Variants in TENM2 observed in about 807,000 individuals in gnomAD.
TENM2 encodes teneurin transmembrane protein 2.
Under a neutral mutation model 245.2 loss-of-function variants are expected in TENM2, and 52 were observed. That is an observed-to-expected ratio of 0.21 (90% CI 0.17 to 0.27). The LOEUF (loss-of-function observed/expected upper bound fraction) is 0.27. Among genes scored for constraint, TENM2 ranks in the 10% least tolerant of loss-of-function variants. The probability of loss-of-function intolerance (pLI) is 1.00; values close to 1 mark genes in which losing one functional copy is unlikely to be tolerated. For synonymous variants in TENM2, 1,363 were observed against 1,438.9 expected, an observed-to-expected ratio of 0.95 and a Z score of 1.19; for missense variants, 3,046 against 3,666.8, an observed-to-expected ratio of 0.83 and a Z score of 4.37.
At chr5:168,170,524 G>A (rs1472101969) in intron 13 of TENM2, among the ~76,000 whole-genome samples, 2 of 152,052 alleles carry the variant, frequency 1.3e-5, no homozygotes, top group Non-Finnish European at 2.9e-5. Context: ...GAGAGAGAGA[G>A]AGAAAGACAG....
intron 6 of TENM2, among the ~76,000 whole-genome samples, chr5:168,055,460 G>A (rs1437186696): frequency 6.6e-6 from 1 of 152,200 alleles, no homozygotes; most frequent in African/African-American, 2.4e-5. Flanking sequence ...GAATGAACTG[G>A]TGATGCAGTT....
chr5:167,197,508 C>CTGA, the TENM2 span, among the ~76,000 whole-genome samples: 1 of 151,990 alleles, frequency 6.6e-6, no homozygotes, highest in East Asian at 1.9e-4. Flanking sequence ...TTTCCTGGGG[C>CTGA]TGATAGAACT....
At position 168,256,492 on chromosome 5, in the gene TENM2, C is replaced by T. The variant is rs563878897; in HGVS notation, c.7433-3791C>T. ...CCAAGCTGAAGTGCAATGGCACAAT[C>T]TCAGCTCACTGCAGCCTCCACCTCC... On this transcript the variant is annotated intron_variant, in intron 27 of 28. Transcript: ENST00000518659. Among the ~76,000 whole-genome samples the T allele has an allele frequency of 4.0e-5, 6 of 148,726 alleles. No homozygotes were observed. The East Asian group carries it at 9.9e-4, about 24-fold the overall frequency.
intron 28 of TENM2, among the ~76,000 whole-genome samples, 198 bp downstream of exon 30, chr5:168,260,611 A>G (rs114099431): frequency 6.6e-6 from 1 of 152,174 alleles, no homozygotes; most frequent in Non-Finnish European, 1.5e-5. Context: ...TTTCTTCCCA[A>G]CTTCGATTAT....
intron 2 of TENM2, among the ~76,000 whole-genome samples, chr5:167,681,821 C>T (rs901538070): frequency 6.6e-6 from 1 of 152,084 alleles, no homozygotes; most frequent in African/African-American, 2.4e-5. Context: ...ACATTTTTAT[C>T]TCTTTCAATT....
intron 9 of TENM2, among the ~76,000 whole-genome samples, chr5:168,105,464 CACACAGG>C: frequency 6.6e-6 from 1 of 152,194 alleles, no homozygotes; most frequent in Admixed American, 6.5e-5. Flanking sequence ...CCGGCCTTAT[CACACAGG>C]TGCACCTGGT....
intron 5 of TENM2, among the ~76,000 whole-genome samples, chr5:168,035,652 T>A (rs529912942): frequency 6.6e-5 from 10 of 152,314 alleles, no homozygotes; most frequent in Admixed American, 2.6e-4. Flanking sequence ...TGGACAATTC[T>A]TTCTGACAGA....
chr5:168,262,236 G>T (rs1768258828), exon 29 of TENM2: 1 of 1,604,842 alleles, frequency 6.2e-7, no homozygotes, highest in South Asian at 1.1e-5. Context: ...GTGACCACGG[G>T]CGTGTCCAGC....
At chr5:167,608,079 C>T (rs569614677) in intron 2 of TENM2, among the ~76,000 whole-genome samples, 12 of 152,038 alleles carry the variant, frequency 7.9e-5, no homozygotes, top group Non-Finnish European at 1.6e-4. Flanking sequence ...TATTTGGTGC[C>T]CAGAAGGTCA....
chr5:168,200,087 C>T (rs746424551), exon 17 of TENM2: 3 of 1,613,830 alleles, frequency 1.9e-6, no homozygotes, highest in East Asian at 4.5e-5. Context: ...TGGGACAAGA[C>T]AGATGCGTAT....
chr5:167,257,566 T>A, the TENM2 span, among the ~76,000 whole-genome samples: 3 of 151,730 alleles, frequency 2.0e-5, no homozygotes, highest in Non-Finnish European at 4.4e-5. Context: ...AATGGCAAGT[T>A]AATTGAGGCG....
chr5:167,504,693 T>G (rs541431195), intron 2 of TENM2, among the ~76,000 whole-genome samples: 10 of 152,328 alleles, frequency 6.6e-5, no homozygotes, highest in African/African-American at 2.4e-4. Flanking sequence ...GTTATGTCCC[T>G]CGACAGTATT....
At chr5:166,979,196 AG>A in the TENM2 span, among the ~76,000 whole-genome samples, 2,936 of 39,302 alleles carry the variant, frequency 0.075, 51 homozygotes, top group Non-Finnish European at 0.093. Context: ...CACCACCACC[AG>A]CAGCAGCAGC....
At chr5:167,174,187 C>T in the TENM2 span, among the ~76,000 whole-genome samples, 3 of 151,358 alleles carry the variant, frequency 2.0e-5, no homozygotes, top group East Asian at 1.9e-4. Flanking sequence ...TGAATTTCTG[C>T]GTGTTTCATT....
intron 10 of TENM2, among the ~76,000 whole-genome samples, chr5:168,118,727 T>A (rs1480638972): frequency 6.6e-6 from 1 of 152,216 alleles, no homozygotes; most frequent in African/African-American, 2.4e-5. Context: ...AATTGATTCC[T>A]TTTCTCTTTC....
intron 8 of TENM2, among the ~76,000 whole-genome samples, chr5:168,095,883 G>T (rs535325358): frequency 1.3e-5 from 2 of 152,146 alleles, no homozygotes; most frequent in Non-Finnish European, 2.9e-5. Context: ...AATATCCAGA[G>T]TGTCAGCACA....
intron 9 of TENM2, among the ~76,000 whole-genome samples, chr5:168,111,626 CA>C (rs1794676425): frequency 6.6e-6 from 1 of 152,140 alleles, no homozygotes; most frequent in Non-Finnish European, 1.5e-5. Context: ...CCAAGGTCAA[CA>C]GACTTCCTGC....
At position 167,407,066 on chromosome 5, in the gene TENM2, G is replaced by T. The variant is rs79363259; in HGVS notation, c.502+31593G>T. Among the ~76,000 whole-genome samples, 877 of 152,234 alleles carry T rather than the reference G, an allele frequency of 5.8e-3. 11 individuals are homozygous for T. The highest frequency in any genetic ancestry group is 0.02 in the African/African-American group (845 of 41,564). The stretch of plus-strand genomic sequence containing the variant: ...ACAGAATGCAAACAGGAAAACAAAA[G>T]AAATGAGGATGGATTAATTCTACAT... On this transcript the variant is annotated intron_variant, in intron 2 of 28. Transcript: ENST00000518659.
chr5:167,550,282 C>T (rs1357976915), intron 2 of TENM2, among the ~76,000 whole-genome samples: 2 of 152,182 alleles, frequency 1.3e-5, no homozygotes, highest in Non-Finnish European at 2.9e-5. Flanking sequence ...GTTCGCTGTA[C>T]TACTGAAGCA....
Sources: gnomAD v4.1 joint callset for allele counts (sites outside exome capture counted in the v4.1 genomes callset) on GRCh38, gnomAD v4.1.1 for gene constraint, MANE v1.5 for transcripts, NCBI Gene and HGNC (gene_info 2026-07-23, HGNC 2026-07-21) for gene names.